The following GABBR1 variants were observed in gnomAD, a reference collection of about 807,000 sequenced individuals.
GABBR1 encodes the protein gamma-aminobutyric acid type B receptor subunit 1.
In GABBR1, 35 loss-of-function variants were observed where a neutral mutation model predicts 117.7. That is an observed-to-expected ratio of 0.30 (90% CI 0.23 to 0.39). The LOEUF (loss-of-function observed/expected upper bound fraction) is 0.39, where lower values mean the gene tolerates loss of function less well. Among genes scored for constraint, GABBR1 ranks in the 10% least tolerant of loss-of-function variants. The pLI is 1.00. For missense variants in GABBR1, 709 were observed against 1,241.8 expected (o/e 0.57, Z 6.45); for synonymous variants, 442 against 486.6 (o/e 0.91, Z 1.21).
Position 29,609,440 on chromosome 6 carries a change from T to G in GABBR1, c.1709-61A>C. ...AGAGAAGGGAAGGAGGACAAAGGAATGAAGACGGGATAGGAGAAAAGGGCA... is the reference window on the plus strand; with the variant it reads ...AGAGAAGGGAAGGAGGACAAAGGAAGGAAGACGGGATAGGAGAAAAGGGCA... On this transcript the variant is annotated intron_variant, in intron 14 of 22. Coordinates refer to ENST00000377034, the MANE Select transcript of GABBR1 (RefSeq NM_001470.4). This position sits in a 1 kb window ranked among gnomAD's most constrained non-coding sequence, Gnocchi z 4.3. The G allele has an allele frequency of 2.0e-6, 3 of 1,468,352 alleles. No homozygotes were observed. The highest frequency in any genetic ancestry group is 2.8e-6 in the Non-Finnish European group (3 of 1,054,422). 91.0% of individuals were successfully genotyped at this position (1,468,352 alleles called of 1,614,324 possible).
Position 29,632,319 on chromosome 6 carries a change from G to A in GABBR1, c.67C>T (p.Pro23Ser). Residue 23 changes from proline (P) to serine (S), a missense_variant, in exon 2 of 23, where the codon CCC (proline) becomes TCC (serine). Pro to Ser is a moderately conservative substitution (Grantham distance 74). Around this residue, in one of 9 missense-constraint regions of GABBR1, gnomAD observed 43 missense variants for 42.8 expected, o/e 1.00. Transcript: ENST00000377034. This position sits in a 1 kb window ranked among gnomAD's most constrained non-coding sequence, Gnocchi z 5.8. ...RPPGAGGAQT[P>S]NATSEGCQII... ...GATGCACCTTCTGAGGTGGCGTTGGGGGTCTGCGCCCCGCCCGCGCCCGGG... is the reference window on the plus strand; with the variant it reads ...GATGCACCTTCTGAGGTGGCGTTGGAGGTCTGCGCCCCGCCCGCGCCCGGG... 1 of 1,378,486 alleles carries A rather than the reference G, an allele frequency of 7.3e-7. No homozygotes were observed. The allele number at this position is 1,378,486 out of a possible 1,614,324, so 85.4% of individuals were successfully genotyped here. A position where few individuals can be genotyped will look rare whatever the true frequency, so the allele number is the denominator to read the frequency against.
Position 29,623,376 on chromosome 6 carries a change from C to T in GABBR1, c.892G>A (p.Val298Met), listed in dbSNP as rs1206167074. ...CAGCCCCACTTTTCAAAGAGTTTCA[C>T]GCGGGTAGGGTTGTGGAGTGTGGCT... Reference protein sequence around the residue: ...PSATLHNPTRVKLFEKWGWKK... With the variant: ...PSATLHNPTRMKLFEKWGWKK... The change falls in exon 8 of 23, where the codon GTG becomes ATG. Residue 298 changes from valine to methionine, a missense_variant. Coordinates refer to ENST00000377034, the MANE Select transcript of GABBR1 (RefSeq NM_001470.4). This position sits in a 1 kb window ranked among gnomAD's most constrained non-coding sequence, Gnocchi z 6.2. 1.9e-6 allele frequency: 3 copies of T among 1,614,082 alleles called. No homozygotes were observed. The highest frequency in any genetic ancestry group is 8.5e-7 in the Non-Finnish European group (1 of 1,180,026).
rs377549723 is a variant in GABBR1 at position 29,623,524 on chromosome 6, C to G, written c.793-49G>C. The G allele has an allele frequency of 6.5e-7, 1 of 1,544,092 alleles. No homozygotes were observed. Among genetic ancestry groups the G allele is most frequent in the Non-Finnish European group, 8.9e-7 (1 of 1,126,364 alleles). ...CAACAGGGTCTGTTCACTGAGGACA[C>G]CAAGAGTGGCCAAGAGTTCCTTTAA... On this transcript the variant is annotated intron_variant, in intron 7 of 22. Coordinates refer to ENST00000377034, the MANE Select transcript of GABBR1 (RefSeq NM_001470.4). This position sits in a 1 kb window ranked among gnomAD's most constrained non-coding sequence, Gnocchi z 6.2.
At chr6:29,603,983 G>A (rs1001388021) in intron 22 of GABBR1, among the ~76,000 whole-genome samples, 1 of 152,120 alleles carries the variant, frequency 6.6e-6, no homozygotes, top group Non-Finnish European at 1.5e-5. Context: ...TGGGGAAGGA[G>A]AGAAAAGTCA....
chr6:29,620,945 G>T lies in GABBR1; in HGVS notation c.1323+156C>A, dbSNP rs1390492721. 6.6e-6 allele frequency among the ~76,000 whole-genome samples: 1 copy of T among 151,528 alleles called. No individual in the cohort carries two copies. The highest frequency in any genetic ancestry group is 2.4e-5 in the African/African-American group (1 of 41,176). On this transcript the variant is annotated intron_variant, in intron 11 of 22. Transcript: ENST00000377034. This position sits in a 1 kb window ranked among gnomAD's most constrained non-coding sequence, Gnocchi z 4.5. ...AGTCAGAGCAAAGGTAGGATCCACAGGAAACATAATGCAGACAAGTTCAGG... is the reference window on the plus strand; with the variant it reads ...AGTCAGAGCAAAGGTAGGATCCACATGAAACATAATGCAGACAAGTTCAGG...
chr6:29,617,961 G>A lies in GABBR1; in HGVS notation c.1323+3140C>T, dbSNP rs117750618. On this transcript the variant is annotated intron_variant, in intron 11 of 22. Coordinates refer to ENST00000377034, the MANE Select transcript of GABBR1 (RefSeq NM_001470.4). ...GAGGTGTTATTATCCCCATTTTAGA[G>A]ATAAGAAAACTGAGGCACAGAAAAG... Among the ~76,000 whole-genome samples the A allele has an allele frequency of 1.8e-3, 275 of 152,230 alleles. 4 individuals carry two copies. In the East Asian group the frequency reaches 0.028, roughly 16 times the overall value.
At chr6:29,612,472 G>T in intron 13 of GABBR1, 79 bp downstream of exon 13, 1 of 1,209,300 alleles carries the variant, frequency 8.3e-7, no homozygotes, top group Non-Finnish European at 1.2e-6. Flanking sequence ...TGATGTCTCT[G>T]GCATTCTTCC....
At position 29,613,473 on chromosome 6, in the gene GABBR1, A is replaced by G; in HGVS notation, c.1336T>C (p.Phe446Leu). Residue 446 changes from phenylalanine to leucine, a missense_variant, in exon 12 of 23, where the codon TTT becomes CTT. This residue lies in a region of GABBR1 where 192 missense variants were observed against 418.4 expected (regional missense o/e 0.46). Transcript: ENST00000377034. This position sits in a 1 kb window ranked among gnomAD's most constrained non-coding sequence, Gnocchi z 4.1. ...AGTCGCTTGGTTAGTTTCTCCACAA[A>G]TTCCTGGGATGTCTTGGGAGGAAAA... ...RSISNMTSQE[F>L]VEKLTKRLKR... The G allele has an allele frequency of 6.2e-7, 1 of 1,612,520 alleles. No homozygotes were observed. Among genetic ancestry groups the G allele is most frequent in the Non-Finnish European group, 8.5e-7 (1 of 1,179,588 alleles).
Position 29,606,517 on chromosome 6 carries a change from T to TTA in GABBR1, c.2218-34_2218-33insTA, listed in dbSNP as rs1761975731. On this transcript the variant is annotated intron_variant, in intron 18 of 22. Transcript: ENST00000377034. This position sits in a 1 kb window ranked among gnomAD's most constrained non-coding sequence, Gnocchi z 4.5. Reference sequence around the variant, plus strand: ...AGAAACAAGGTCACAAGAAAGATGGTTGCCAGCCTCCCCTCCTCTCCTCAA... The same window carrying TTA: ...AGAAACAAGGTCACAAGAAAGATGGTTATGCCAGCCTCCCCTCCTCTCCTCAA... The TTA allele has an allele frequency of 6.8e-7, 1 of 1,461,574 alleles. No individual in the cohort carries two copies. Among genetic ancestry groups the TTA allele is most frequent in the Admixed American group, 1.7e-5 (1 of 59,798 alleles). 90.5% of individuals were successfully genotyped at this position (1,461,574 alleles called of 1,614,324 possible).
rs1761490480 is a variant in GABBR1, at chr6:29,602,698, G to A, written c.*845C>T. The A allele has an allele frequency of 3.0e-6, 1 of 327,992 alleles. No homozygotes were observed. Among genetic ancestry groups the A allele is most frequent in the Admixed American group, 4.6e-5 (1 of 21,510 alleles). The allele number at this position is 327,992 out of a possible 1,614,324, so 20.3% of individuals were successfully genotyped here. A position where few individuals can be genotyped will look rare whatever the true frequency, so the allele number is the denominator to read the frequency against. ...AGAAAGTACACAAGGTACATGGAGG[G>A]TACACAGGGAAAGTACATGGATAAA... is the stretch of plus-strand genomic sequence containing the variant. On this transcript the variant is annotated 3_prime_UTR_variant, in exon 23 of 23. Coordinates refer to ENST00000377034, the MANE Select transcript of GABBR1 (RefSeq NM_001470.4).
At position 29,630,264 on chromosome 6, in the gene GABBR1, A is replaced by G; in HGVS notation, c.475+194T>C. 1 of 530,932 alleles carries G rather than the reference A, an allele frequency of 1.9e-6. No individual in the cohort carries two copies. Among genetic ancestry groups the G allele is most frequent in the Non-Finnish European group, 3.4e-6 (1 of 297,090 alleles). 32.9% of individuals were successfully genotyped at this position (530,932 alleles called of 1,614,324 possible). On this transcript the variant is annotated intron_variant, in intron 4 of 22. Transcript: ENST00000377034. This position sits in a 1 kb window ranked among gnomAD's most constrained non-coding sequence, Gnocchi z 4.9. Reference sequence around the variant, plus strand: ...GGTAAAGGAAGGAAGCCCCCAACCTACAGAGGATACCGGGGACTGCAAGAG... The same window carrying G: ...GGTAAAGGAAGGAAGCCCCCAACCTGCAGAGGATACCGGGGACTGCAAGAG...
intron 11 of GABBR1, among the ~76,000 whole-genome samples, chr6:29,617,555 C>T (rs1763280832): frequency 6.6e-6 from 1 of 152,170 alleles, no homozygotes; most frequent in South Asian, 2.1e-4. Context: ...CTGCCTCAGC[C>T]TCCCAAAGTG....
Position 29,609,470 on chromosome 6 carries a change from A to G in GABBR1, c.1709-91T>C. 1 of 1,097,322 alleles carries G rather than the reference A, an allele frequency of 9.1e-7. No individual in the cohort carries two copies. The highest frequency in any genetic ancestry group is 1.4e-5 in the South Asian group (1 of 73,016). 68.0% of individuals were successfully genotyped at this position (1,097,322 alleles called of 1,614,324 possible). Reference sequence around the variant, plus strand: ...ACGGGATAGGAGAAAAGGGCAAAGAACTAGATTGCTGATGGACATTCAGTC... The same window carrying G: ...ACGGGATAGGAGAAAAGGGCAAAGAGCTAGATTGCTGATGGACATTCAGTC... On this transcript the variant is annotated intron_variant, in intron 14 of 22. Transcript: ENST00000377034. This position sits in a 1 kb window ranked among gnomAD's most constrained non-coding sequence, Gnocchi z 4.3.
In GABBR1 at chr6:29,606,369, C is replaced by T. The variant is rs765443148; in HGVS notation, c.2311+22G>A. The T allele has an allele frequency of 1.3e-6, 2 of 1,578,144 alleles. No homozygotes were observed. The highest frequency in any genetic ancestry group is 2.2e-5 in the South Asian group (2 of 90,360). ...TCCTGCCTTTGTGCATCCCTGCCCT[C>T]CTTTGCCCACATCCCACACACCAAG... On this transcript the variant is annotated intron_variant, in intron 19 of 22. Transcript: ENST00000377034. This position sits in a 1 kb window ranked among gnomAD's most constrained non-coding sequence, Gnocchi z 4.5.
At chr6:29,624,546 G>A (rs1232137248) in intron 6 of GABBR1, among the ~76,000 whole-genome samples, 1 of 152,044 alleles carries the variant, frequency 6.6e-6, no homozygotes, top group African/African-American at 2.4e-5. Flanking sequence ...TAAGTAAAGA[G>A]AGAACAGGAA....
At position 29,604,536 on chromosome 6, in the gene GABBR1, C is replaced by T. The variant is rs776287172; in HGVS notation, c.2670G>A (p.Leu890=). 5 of 1,613,220 alleles carry T rather than the reference C, an allele frequency of 3.1e-6. No individual in the cohort carries two copies. Among genetic ancestry groups the T allele is most frequent in the Non-Finnish European group, 4.2e-6 (5 of 1,180,056 alleles). The change falls in exon 22 of 23, where the codon CTG becomes CTA. Residue 890 remains leucine, a synonymous_variant. Coordinates refer to ENST00000377034, the MANE Select transcript of GABBR1 (RefSeq NM_001470.4). The surrounding 1 kb of genome is among the most constrained non-coding windows in gnomAD (Gnocchi z 5.3). ...CCAGTTCACGGTTCTCCTTCTCCAA[C>T]AGCCGGGACTTCTCCTCCTCGTTGT... ...TNNNEEEKSR[L]LEKENRELEK... is the part of the protein sequence containing the mutation.
rs1288645924 is a variant in GABBR1, at chr6:29,632,922, C to G, written c.-73G>C. ...CCAGGCCCGGCCGCTCCTCCCCGCT[C>G]CCCCCTCCCTTCTCCTCCACCTTTC... On this transcript the variant is annotated 5_prime_UTR_variant, in exon 1 of 23. Transcript: ENST00000377034. The surrounding 1 kb of genome is among the most constrained non-coding windows in gnomAD (Gnocchi z 5.8). 1 of 217,000 alleles carries G rather than the reference C, an allele frequency of 4.6e-6. No individual in the cohort carries two copies. The highest frequency in any genetic ancestry group is 2.4e-5 in the African/African-American group (1 of 41,596). 13.4% of individuals were successfully genotyped at this position (217,000 alleles called of 1,614,324 possible). A position where few individuals can be genotyped will look rare whatever the true frequency, so the allele number is the denominator to read the frequency against.
chr6:29,627,884 C>A lies in GABBR1; in HGVS notation c.497-238G>T. The stretch of plus-strand genomic sequence containing the variant: ...GGCTGCTAAGAGGGTGCCGGGGAGG[C>A]GCCTCCATCCCTGATTTTGTGGGGA... On this transcript the variant is annotated intron_variant, in intron 5 of 22. Coordinates refer to ENST00000377034, the MANE Select transcript of GABBR1 (RefSeq NM_001470.4). This position sits in a 1 kb window ranked among gnomAD's most constrained non-coding sequence, Gnocchi z 4.4. 1 of 1,358,674 alleles carries A rather than the reference C, an allele frequency of 7.4e-7. No individual in the cohort carries two copies. The highest frequency in any genetic ancestry group is 9.4e-7 in the Non-Finnish European group (1 of 1,063,564). The allele number at this position is 1,358,674 out of a possible 1,614,324, so 84.2% of individuals were successfully genotyped here.
intron 22 of GABBR1, 52 bp from the exon 23 acceptor site, chr6:29,603,768 A>C (rs2076483): frequency 2.2e-5 from 30 of 1,333,898 alleles, no homozygotes; most frequent in Non-Finnish European, 1.4e-5. Flanking sequence ...GTGATGAAGG[A>C]GTGGGGAGGA....
Sources: gnomAD v4.1 joint callset for allele counts (sites outside exome capture counted in the v4.1 genomes callset) on GRCh38, gnomAD v4.1.1 for gene constraint, gnomAD v4.1.1 regional missense constraint, Gnocchi (gnomAD v3.1) non-coding constraint, MANE v1.5 for transcripts, NCBI Gene and HGNC (gene_info 2026-07-23, HGNC 2026-07-21) for gene names.